The following CNTLN variants were observed in gnomAD, a reference collection of about 807,000 sequenced individuals.
CNTLN encodes the protein centlein, also known as centlein, centrosomal protein.
A neutral mutation model predicts 180.0 loss-of-function variants in CNTLN; 212 were observed. The observed-to-expected ratio is 1.18, with a 90% CI of 1.05 to 1.32. CNTLN has a LOEUF of 1.32. Among genes scored for constraint, CNTLN ranks in the 40% most tolerant of loss-of-function variants. The pLI, the probability that CNTLN is intolerant of heterozygous loss-of-function variation, is 0.00. For missense variants in CNTLN, 2,095 were observed against 1,610.9 expected, an observed-to-expected ratio of 1.30 and a Z score of -5.14; for synonymous variants, 722 against 563.1, an observed-to-expected ratio of 1.28 and a Z score of -3.99.
At chr9:17,481,787 C>T (rs772986286) in intron 23 of CNTLN, among the ~76,000 whole-genome samples, 5 of 152,226 alleles carry the variant, frequency 3.3e-5, no homozygotes, top group African/African-American at 7.2e-5. Flanking sequence ...AGCCAGCAGC[C>T]CTGTCTGACT....
intron 13 of CNTLN, among the ~76,000 whole-genome samples, chr9:17,375,311 C>CA (rs997285371): frequency 6.6e-6 from 1 of 151,622 alleles, no homozygotes; most frequent in African/African-American, 2.4e-5. Flanking sequence ...TAATGGATTA[C>CA]AAAAAAAATA....
intron 3 of CNTLN, among the ~76,000 whole-genome samples, chr9:17,226,689 T>C (rs1450926182): frequency 1.3e-5 from 2 of 151,984 alleles, no homozygotes; most frequent in Non-Finnish European, 2.9e-5. Context: ...GTTAGTACTA[T>C]ATTAGGCTGT....
intron 25 of CNTLN, among the ~76,000 whole-genome samples, chr9:17,497,551 T>G (rs966636630): frequency 6.6e-6 from 1 of 152,210 alleles, no homozygotes; most frequent in Admixed American, 6.5e-5. Context: ...GAAGCACTCC[T>G]TGAAGCTTTT....
At chr9:17,385,327 G>C (rs1171970603) in intron 13 of CNTLN, among the ~76,000 whole-genome samples, 1 of 152,128 alleles carries the variant, frequency 6.6e-6, no homozygotes, top group Non-Finnish European at 1.5e-5. Flanking sequence ...ACTGAATTCA[G>C]TCTCCATTTC....
intron 10 of CNTLN, among the ~76,000 whole-genome samples, chr9:17,335,528 T>A (rs888722802): frequency 1.8e-4 from 27 of 152,112 alleles, no homozygotes; most frequent in African/African-American, 6.5e-4. Flanking sequence ...AAATTATTTA[T>A]GTTTTTAATC....
chr9:17,500,281 TC>T (rs1397908726), intron 25 of CNTLN, among the ~76,000 whole-genome samples: 1 of 152,210 alleles, frequency 6.6e-6, no homozygotes, highest in African/African-American at 2.4e-5. Context: ...TAAATGGACT[TC>T]CCATTCCACA....
chr9:17,497,296 A>G (rs1389790160), intron 25 of CNTLN, among the ~76,000 whole-genome samples: 1 of 152,144 alleles, frequency 6.6e-6, no homozygotes, highest in Admixed American at 6.5e-5. Context: ...AGTTTTGGGG[A>G]CGAGAATTAT....
rs35350865 is a variant in CNTLN at position 17,440,588 on chromosome 9, C to CAAAAAAAAAAAAAAAAAAAA, written c.3115-16922_3115-16921insAAAAAAAAAAAAAAAAAAAA. Among the ~76,000 whole-genome samples, 177 of 114,580 alleles carry CAAAAAAAAAAAAAAAAAAAA rather than the reference C, an allele frequency of 1.5e-3. 3 individuals carry two copies. Among genetic ancestry groups the CAAAAAAAAAAAAAAAAAAAA allele is most frequent in the African/African-American group, 6.1e-3 (170 of 27,652 alleles). The allele number at this position is 114,580 out of a possible 152,430, so 75.2% of individuals were successfully genotyped here. A position where few individuals can be genotyped will look rare whatever the true frequency, so the allele number is the denominator to read the frequency against. ...TGGGCGACGGAGCGAGACTCCGTCTCAAAAAAAAAAAAAAGAACTGAAAAC... is the reference window on the plus strand; with the variant it reads ...TGGGCGACGGAGCGAGACTCCGTCTCAAAAAAAAAAAAAAAAAAAAAAAAAAAAAAAAAAGAACTGAAAAC... On this transcript the variant is annotated intron_variant, in intron 18 of 25. Coordinates refer to ENST00000380647, the MANE Select transcript of CNTLN (RefSeq NM_017738.4).
At chr9:17,317,568 A>G (rs1472365178) in intron 8 of CNTLN, among the ~76,000 whole-genome samples, 1 of 152,186 alleles carries the variant, frequency 6.6e-6, no homozygotes, top group Non-Finnish European at 1.5e-5. Context: ...TGATAAGCAC[A>G]TGACACACGG....
intron 5 of CNTLN, among the ~76,000 whole-genome samples, chr9:17,265,623 C>T (rs1827367805): frequency 1.3e-5 from 2 of 152,036 alleles, no homozygotes; most frequent in South Asian, 2.1e-4. Context: ...GTACCAGCTC[C>T]TCTTTGTACC....
intron 12 of CNTLN, among the ~76,000 whole-genome samples, chr9:17,363,515 C>G (rs1020067441): frequency 2.5e-4 from 38 of 149,786 alleles, no homozygotes; most frequent in African/African-American, 8.6e-4. Context: ...TTTTTCATTT[C>G]TCTTCTGACC....
chr9:17,172,957 T>C (rs2131662841), intron 2 of CNTLN, among the ~76,000 whole-genome samples: 1 of 152,290 alleles, frequency 6.6e-6, no homozygotes, highest in East Asian at 1.9e-4. Flanking sequence ...GAAAAGCTTT[T>C]TGAATTTTGG....
chr9:17,466,747 T>G lies in CNTLN; in HGVS notation c.3711T>G (p.Thr1237=), dbSNP rs1303023356. 2.5e-6 allele frequency: 4 copies of G among 1,610,414 alleles called. No homozygotes were observed. The highest frequency in any genetic ancestry group is 3.4e-6 in the Non-Finnish European group (4 of 1,177,782). The change falls in exon 23 of 26, where the codon ACT becomes ACG. Residue 1237 remains threonine (T), a synonymous_variant. Coordinates refer to ENST00000380647, the MANE Select transcript of CNTLN (RefSeq NM_017738.4). ...LTLLVSRISE[T]ESAMAEIETA... ...TCCTAGTATCAAGAATAAGTGAGACTGAATCTGCAATGGCAGAAATTGAAA... is the reference window on the plus strand; with the variant it reads ...TCCTAGTATCAAGAATAAGTGAGACGGAATCTGCAATGGCAGAAATTGAAA...
intron 2 of CNTLN, among the ~76,000 whole-genome samples, chr9:17,146,456 A>G (rs1389573384): frequency 6.6e-6 from 1 of 152,204 alleles, no homozygotes; most frequent in Non-Finnish European, 1.5e-5. Flanking sequence ...CCAATGTGAT[A>G]ATATTGATGA....
rs1823847796 is a variant in CNTLN at position 17,366,645 on chromosome 9, CTT to C, written c.1916_1917del (p.Leu639GlnfsTer7). 1 of 1,563,590 alleles carries C rather than the reference CTT, an allele frequency of 6.4e-7. No homozygotes were observed. The highest frequency in any genetic ancestry group is 1.2e-5 in the South Asian group (1 of 86,934). ...GAATCTTGAAGAAGAATTAGATGAA[CTT>C]AAAGTACATATATCTATTGATAAGG... The part of the protein sequence containing the change: ...KMNLEEELDE[L>X]KVHISIDKAA... On this transcript the variant is annotated frameshift_variant, in exon 13 of 26. Coordinates refer to ENST00000380647, the MANE Select transcript of CNTLN (RefSeq NM_017738.4). LOFTEE classifies it high-confidence loss of function.
chr9:17,184,170 T>C (rs1587047750), intron 2 of CNTLN, among the ~76,000 whole-genome samples: 1 of 152,266 alleles, frequency 6.6e-6, no homozygotes, highest in East Asian at 1.9e-4. Context: ...AGCTTTAAAG[T>C]ATTTGGTGAT....
chr9:17,312,279 T>C (rs1365483448), intron 8 of CNTLN, among the ~76,000 whole-genome samples: 1 of 148,234 alleles, frequency 6.7e-6, no homozygotes, highest in Non-Finnish European at 1.5e-5. Flanking sequence ...TCCTGTTTTA[T>C]TGTTACTGAC....
intron 6 of CNTLN, among the ~76,000 whole-genome samples, chr9:17,293,433 C>G (rs906646512): frequency 1.3e-5 from 2 of 152,212 alleles, no homozygotes; most frequent in African/African-American, 4.8e-5. Context: ...GGCTCAGTCC[C>G]AGCGACATCA....
intron 8 of CNTLN, among the ~76,000 whole-genome samples, chr9:17,319,630 T>C (rs1819769995): frequency 6.6e-6 from 1 of 152,184 alleles, no homozygotes. Flanking sequence ...GTTACTTCTC[T>C]GTCAACTCAG....
Sources: gnomAD v4.1 joint callset for allele counts (sites outside exome capture counted in the v4.1 genomes callset) on GRCh38, gnomAD v4.1.1 for gene constraint, MANE v1.5 for transcripts, NCBI Gene and HGNC (gene_info 2026-07-23, HGNC 2026-07-21) for gene names.